AASS: variants seen among roughly 807,000 people sequenced by gnomAD.
The protein encoded by AASS is alpha-aminoadipic semialdehyde synthase, mitochondrial.
A neutral mutation model predicts 105.4 loss-of-function variants in AASS; 86 were observed. The ratio of observed to expected loss-of-function variants is 0.82; its 90% CI spans 0.69 to 0.98. AASS has a LOEUF of 0.98. Ranked by LOEUF, AASS falls within the 50% of genes least tolerant of loss-of-function variation. The pLI is 0.00. For missense variants in AASS, 1,048 were observed against 1,143.2 expected (o/e 0.92, Z 1.20); for synonymous variants, 381 against 394.8 (o/e 0.96, Z 0.41).
At chr7:122,138,558 A>G (rs1262949074) in intron 1 of AASS, among the ~76,000 whole-genome samples, 1 of 152,174 alleles carries the variant, frequency 6.6e-6, no homozygotes, top group Non-Finnish European at 1.5e-5. Context: ...GGTAACTGAA[A>G]CCATGGAAAG....
rs201403111 is a variant in AASS, at chr7:122,076,309, G to A, written c.*180C>T. The A allele has an allele frequency of 2.1e-5, 12 of 582,276 alleles. No homozygotes were observed. The East Asian group carries it at 3.4e-4, about 17-fold the overall frequency. The allele number at this position is 582,276 out of a possible 1,614,324, so 36.1% of individuals were successfully genotyped here. ...TATTAAAGTTCTCTGTTAGTGGCTT[G>A]CATCTCCTGTTCCAAACATTTCCAT... On this transcript the variant is annotated 3_prime_UTR_variant, in exon 24 of 24. Transcript: ENST00000417368.
chr7:122,094,826 G>A (rs1301817760), intron 15 of AASS, among the ~76,000 whole-genome samples: 1 of 151,734 alleles, frequency 6.6e-6, no homozygotes, highest in Non-Finnish European at 1.5e-5. Flanking sequence ...TCTCCTCCTT[G>A]GGCCCTTCTT....
chr7:122,117,008 A>G (rs926326451), intron 6 of AASS, 51 bp from the exon 7 acceptor site: 4 of 1,506,718 alleles, frequency 2.7e-6, no homozygotes, highest in Admixed American at 3.3e-5. Context: ...AAAAGAACCA[A>G]CATGGTTTTC....
chr7:122,076,353 A>G lies in AASS; in HGVS notation c.*136T>C. On this transcript the variant is annotated 3_prime_UTR_variant, in exon 24 of 24. Transcript: ENST00000417368. The stretch of plus-strand genomic sequence containing the variant: ...TTTCCATATTAAAATAAAGATTTAT[A>G]GTTCAAAAAGTACATTGTGTTAACC... 1.4e-6 allele frequency: 1 copy of G among 699,926 alleles called. No individual in the cohort carries two copies. The highest frequency in any genetic ancestry group is 2.6e-6 in the Non-Finnish European group (1 of 391,434). The allele number at this position is 699,926 out of a possible 1,614,324, so 43.4% of individuals were successfully genotyped here.
intron 15 of AASS, among the ~76,000 whole-genome samples, chr7:122,093,642 T>A (rs1427777349): frequency 1.3e-5 from 2 of 151,914 alleles, no homozygotes; most frequent in African/African-American, 4.8e-5. Flanking sequence ...AAACATCATC[T>A]CTACAACAAA....
chr7:122,140,322 A>G (rs1272135054), intron 1 of AASS, among the ~76,000 whole-genome samples: 1 of 151,254 alleles, frequency 6.6e-6, no homozygotes, highest in East Asian at 2.0e-4. Context: ...CGTCTCTACT[A>G]AAAATACAAA....
chr7:122,111,335 T>C (rs1794922636), intron 11 of AASS, among the ~76,000 whole-genome samples: 1 of 152,134 alleles, frequency 6.6e-6, no homozygotes, highest in Admixed American at 6.5e-5. Context: ...AAATTAAAAA[T>C]GCACAGAAAT....
At chr7:122,132,857 AACTAAAG>A (rs1321799348) in intron 2 of AASS, among the ~76,000 whole-genome samples, 1 of 152,198 alleles carries the variant, frequency 6.6e-6, no homozygotes, top group Non-Finnish European at 1.5e-5. Flanking sequence ...AGATTGAAAG[AACTAAAG>A]ACACACAATA....
At chr7:122,085,253 G>C (rs1373675095) in intron 19 of AASS, among the ~76,000 whole-genome samples, 1 of 152,152 alleles carries the variant, frequency 6.6e-6, no homozygotes, top group South Asian at 2.1e-4. Context: ...TGAATGGTGA[G>C]AGAATAAACC....
intron 15 of AASS, among the ~76,000 whole-genome samples, chr7:122,094,360 T>C (rs566742710): frequency 2.8e-4 from 43 of 152,314 alleles, no homozygotes; most frequent in African/African-American, 9.4e-4. Flanking sequence ...TACTCTATTC[T>C]ATTTACCTGT....
intron 17 of AASS, among the ~76,000 whole-genome samples, 171 bp from the exon 18 acceptor site, chr7:122,092,014 AAC>A (rs1793926792): frequency 1.3e-5 from 2 of 152,132 alleles, no homozygotes; most frequent in African/African-American, 4.8e-5. Flanking sequence ...TTGATTAAAT[AAC>A]AGTTAATTTT....
chr7:122,106,930 A>C (rs1457158867), intron 11 of AASS, among the ~76,000 whole-genome samples: 7 of 152,154 alleles, frequency 4.6e-5, no homozygotes, highest in African/African-American at 1.7e-4. Context: ...TTTGCACAGC[A>C]AAAGAAACTA....
In AASS at chr7:122,098,531, T is replaced by C; in HGVS notation, c.1574A>G (p.Asn525Ser). ...AATGTCCATGCTAACAGGATTAATA[T>C]TATATTTCTTGCCTAACTGTTCAAT... ...NQIEQLGKKY[N>S]INPVSMDICK... The change falls in exon 15 of 24, where the codon AAT becomes AGT. Residue 525 changes from asparagine to serine, a missense_variant. Coordinates refer to ENST00000417368, the MANE Select transcript of AASS (RefSeq NM_005763.4). 1.2e-6 allele frequency: 2 copies of C among 1,611,032 alleles called. No individual in the cohort carries two copies. Among genetic ancestry groups the C allele is most frequent in the South Asian group, 1.1e-5 (1 of 90,964 alleles).
rs373940096 is a variant in AASS at position 122,115,231 on chromosome 7, C to T, written c.895-9G>A. 1.7e-5 allele frequency: 27 copies of T among 1,613,820 alleles called. No homozygotes were observed. The East Asian group carries it at 5.3e-4, about 32-fold the overall frequency. On this transcript the variant is annotated splice_polypyrimidine_tract_variant and intron_variant, in intron 8 of 23. Transcript: ENST00000417368. Reference sequence around the variant, plus strand: ...GTTGTATAGGGTGCAATCTGTAATGCAAGTTCCAGGTTCAAGAAAATAGAA... The same window carrying T: ...GTTGTATAGGGTGCAATCTGTAATGTAAGTTCCAGGTTCAAGAAAATAGAA...
chr7:122,113,459 T>C, intron 10 of AASS, 139 bp downstream of exon 10: 1 of 1,158,944 alleles, frequency 8.6e-7, no homozygotes, highest in Non-Finnish European at 1.2e-6. Context: ...GCATGTTTTT[T>C]TCCCCAAATT....
At chr7:122,103,473 A>C (rs1361019707) in intron 11 of AASS, among the ~76,000 whole-genome samples, 1 of 152,072 alleles carries the variant, frequency 6.6e-6, no homozygotes, top group Admixed American at 6.6e-5. Flanking sequence ...GGAGTTTTTC[A>C]AGTAGAAAAA....
intron 11 of AASS, among the ~76,000 whole-genome samples, chr7:122,110,830 A>G (rs1380841252): frequency 6.6e-6 from 1 of 151,982 alleles, no homozygotes; most frequent in Non-Finnish European, 1.5e-5. Context: ...AGATTAATAA[A>G]TGTTGGTATA....
At chr7:122,105,158 G>T (rs954748113) in intron 11 of AASS, among the ~76,000 whole-genome samples, 1 of 152,006 alleles carries the variant, frequency 6.6e-6, no homozygotes, top group Admixed American at 6.6e-5. Flanking sequence ...AAGAGCTCAA[G>T]TCATTAAGAA....
At chr7:122,106,581 G>C (rs904348212) in intron 11 of AASS, among the ~76,000 whole-genome samples, 2 of 151,900 alleles carry the variant, frequency 1.3e-5, no homozygotes, top group African/African-American at 4.8e-5. Flanking sequence ...AAACAGAATA[G>C]AGAGCTCAAA....
Sources: allele counts gnomAD v4.1 joint callset (sites outside exome capture counted in the v4.1 genomes callset), GRCh38; gene constraint gnomAD v4.1.1; transcripts MANE v1.5; gene names NCBI Gene and HGNC (gene_info 2026-07-23, HGNC 2026-07-21).